Variants in HORMAD2 observed in about 807,000 individuals in gnomAD.
The protein encoded by HORMAD2 is HORMA domain-containing protein 2.
In HORMAD2, 45 loss-of-function variants were observed where a neutral mutation model predicts 38.8. The observed-to-expected ratio is 1.16, with a 90% CI of 0.91 to 1.49. HORMAD2 has a LOEUF of 1.49. HORMAD2 is among the 40% of genes most tolerant of loss of function. HORMAD2 has a pLI of 0.00. For synonymous variants in HORMAD2, 126 were observed against 122.8 expected, an observed-to-expected ratio of 1.03 and a Z score of -0.17; for missense variants, 338 against 367.0, an observed-to-expected ratio of 0.92 and a Z score of 0.65.
chr22:30,130,591 T>C (rs5763792), intron 10 of HORMAD2, among the ~76,000 whole-genome samples: 9,403 of 134,932 alleles, frequency 0.07, 461 homozygotes, highest in South Asian at 0.19. Flanking sequence ...CTTTTCTTTT[T>C]TTTTTTTTTT....
downstream of HORMAD2, among the ~76,000 whole-genome samples, chr22:30,181,476 G>A (rs1926715650): frequency 6.6e-6 from 1 of 152,134 alleles, no homozygotes. Context: ...ATAGTTCAAT[G>A]GGAGAGAAGC....
At chr22:30,138,218 A>G (rs1355699393) in intron 10 of HORMAD2, among the ~76,000 whole-genome samples, 2 of 150,606 alleles carry the variant, frequency 1.3e-5, no homozygotes, top group Non-Finnish European at 2.9e-5. Context: ...TTCCTTGGAG[A>G]CATGTATATT....
chr22:30,139,286 A>C (rs1000684976), intron 10 of HORMAD2, among the ~76,000 whole-genome samples: 8 of 130,540 alleles, frequency 6.1e-5, no homozygotes, highest in Non-Finnish European at 1.0e-4. Context: ...ATATATATAT[A>C]TCCTCTGTCT....
intron 8 of HORMAD2, 76 bp downstream of exon 8, chr22:30,119,123 A>G: frequency 1.0e-6 from 1 of 974,274 alleles, no homozygotes; most frequent in Non-Finnish European, 1.6e-6. Context: ...GGCCAGAGAA[A>G]GGCCTTATAC....
At chr22:30,140,640 T>C (rs1430609359) in intron 10 of HORMAD2, among the ~76,000 whole-genome samples, 5 of 152,230 alleles carry the variant, frequency 3.3e-5, no homozygotes, top group Admixed American at 2.6e-4. Flanking sequence ...ATCTGGTCTT[T>C]TATTTCCAAT....
At chr22:30,090,717 G>T (rs554252659) in intron 1 of HORMAD2, among the ~76,000 whole-genome samples, 1 of 152,140 alleles carries the variant, frequency 6.6e-6, no homozygotes, top group East Asian at 1.9e-4. Context: ...TTCCATTTTT[G>T]AATAATCATT....
chr22:30,197,086 G>A, the HORMAD2 span, among the ~76,000 whole-genome samples: 1 of 152,096 alleles, frequency 6.6e-6, no homozygotes, highest in Non-Finnish European at 1.5e-5. Context: ...TTAGGGTAAG[G>A]CTTTTCTTAG....
chr22:30,191,265 A>T, the HORMAD2 span, among the ~76,000 whole-genome samples: 4 of 152,214 alleles, frequency 2.6e-5, no homozygotes, highest in African/African-American at 9.6e-5. Flanking sequence ...ATTAAAGCTC[A>T]GAAAGCAAGC....
At chr22:30,180,199 A>G (rs547869560), downstream of HORMAD2, among the ~76,000 whole-genome samples, 1 of 152,052 alleles carries the variant, frequency 6.6e-6, no homozygotes, top group African/African-American at 2.4e-5. Flanking sequence ...CTCATTAAAC[A>G]TTTTAGTCTG....
At position 30,098,858 on chromosome 22, in the gene HORMAD2, G is replaced by C. The variant is rs34305723; in HGVS notation, c.58G>C (p.Val20Leu). The C allele has an allele frequency of 2.8e-3, 4,501 of 1,608,456 alleles. 107 individuals are homozygous for C. In the African/African-American group the frequency reaches 0.054, roughly 19 times the overall value. ...ACCTCCGTTGTTTTTCCAGGAAACA[G>C]TTTTCCCATCCCAAATCACTAATGA... The part of the protein sequence containing the change: ...ITIHKASKET[V>L]FPSQITNEHE... Residue 20 changes from valine (V) to leucine (L), a missense_variant, in exon 3 of 11, where the codon GTT (valine) becomes CTT (leucine). By Grantham distance (32) the Val-to-Leu change is conservative (BLOSUM62 1). Coordinates refer to ENST00000336726, the MANE Select transcript of HORMAD2 (RefSeq NM_152510.4).
At chr22:30,162,305 C>A (rs1449947489) in intron 10 of HORMAD2, among the ~76,000 whole-genome samples, 6 of 133,892 alleles carry the variant, frequency 4.5e-5, no homozygotes, top group African/African-American at 1.2e-4. Context: ...CAGAGTGAGA[C>A]CCCGTCTCAA....
intron 10 of HORMAD2, among the ~76,000 whole-genome samples, chr22:30,129,854 A>C (rs1159001439): frequency 6.6e-6 from 1 of 152,080 alleles, no homozygotes; most frequent in African/African-American, 2.4e-5. Flanking sequence ...ATTGGCAGTG[A>C]TCATGGCAGA....
chr22:30,184,972 C>T, the HORMAD2 span, among the ~76,000 whole-genome samples: 1 of 152,128 alleles, frequency 6.6e-6, no homozygotes, highest in Admixed American at 6.5e-5. Flanking sequence ...TTGGTTCTCC[C>T]TTTATTTCTG....
At chr22:30,174,477 C>A (rs1926310186) in intron 10 of HORMAD2, among the ~76,000 whole-genome samples, 1 of 152,124 alleles carries the variant, frequency 6.6e-6, no homozygotes, top group Non-Finnish European at 1.5e-5. Context: ...TTCTATGAAC[C>A]ATTGAGAGTT....
downstream of HORMAD2, among the ~76,000 whole-genome samples, chr22:30,179,153 G>A (rs1926600429): frequency 1.3e-5 from 2 of 152,042 alleles, no homozygotes; most frequent in South Asian, 4.2e-4. Flanking sequence ...AACAGTATTG[G>A]ATATTTAGGG....
rs563586521 is a variant in HORMAD2, at chr22:30,093,920, G to T, written c.-33G>T. 6.0e-6 allele frequency: 9 copies of T among 1,505,322 alleles called. No individual in the cohort carries two copies. The highest frequency in any genetic ancestry group is 1.8e-5 in the Admixed American group (1 of 56,808). The allele number at this position is 1,505,322 out of a possible 1,614,324, so 93.2% of individuals were successfully genotyped here. On this transcript the variant is annotated 5_prime_UTR_variant, in exon 2 of 11. Coordinates refer to ENST00000336726, the MANE Select transcript of HORMAD2 (RefSeq NM_152510.4). ...TAATTAATTATTTTTTAATAGGTTG[G>T]ACTTGTTGAAATAATCCTGATACAT... is the stretch of plus-strand genomic sequence containing the variant.
At chr22:30,132,689 G>A (rs370902954) in intron 10 of HORMAD2, among the ~76,000 whole-genome samples, 1 of 152,036 alleles carries the variant, frequency 6.6e-6, no homozygotes, top group Non-Finnish European at 1.5e-5. Context: ...GAATGTAATT[G>A]CTATCCTCTG....
Position 30,121,763 on chromosome 22 carries a change from C to G in HORMAD2, c.542C>G (p.Thr181Ser). 1 of 1,612,150 alleles carries G rather than the reference C, an allele frequency of 6.2e-7. No homozygotes were observed. Among genetic ancestry groups the G allele is most frequent in the Non-Finnish European group, 8.5e-7 (1 of 1,179,128 alleles). The change falls in exon 9 of 11, where the codon ACT (threonine) becomes AGT (serine). Residue 181 changes from threonine (T) to serine (S), a missense_variant. Transcript: ENST00000336726. ...CCACTTCCTAATAATGTTGTACTTA[C>G]TATGAAACTCCACTACTATAATGCA... The part of the protein sequence containing the change: ...LEPLPNNVVL[T>S]MKLHYYNAVT...
At chr22:30,198,993 G>A in the HORMAD2 span, among the ~76,000 whole-genome samples, 3 of 152,174 alleles carry the variant, frequency 2.0e-5, no homozygotes, top group African/African-American at 4.8e-5. Context: ...AAATAACTGT[G>A]TATTGGGAAC....
Sources: gnomAD v4.1 joint callset for allele counts (sites outside exome capture counted in the v4.1 genomes callset) on GRCh38, gnomAD v4.1.1 for gene constraint, MANE v1.5 for transcripts, NCBI Gene and HGNC (gene_info 2026-07-23, HGNC 2026-07-21) for gene names.